Variants in ENDOV observed in about 807,000 individuals in gnomAD.
The protein encoded by ENDOV is endonuclease V, also known as hEndoV.
In ENDOV, 37 loss-of-function variants were observed where a neutral mutation model predicts 39.4. The observed-to-expected ratio is 0.94, with a 90% confidence interval of 0.72 to 1.23. The LOEUF is 1.23. ENDOV is among the 50% of genes most tolerant of loss of function. The probability of loss-of-function intolerance (pLI) is 0.00; values close to 1 mark genes in which losing one functional copy is unlikely to be tolerated. For missense variants in ENDOV, 441 were observed against 375.7 expected (o/e 1.17, Z -1.44); for synonymous variants, 186 against 163.4 (o/e 1.14, Z -1.05).
chr17:80,424,070 C>T (rs1463832422), intron 5 of ENDOV: 1 of 397,192 alleles, frequency 2.5e-6, no homozygotes, highest in Non-Finnish European at 4.4e-6. Context: ...GGAGCTGCCA[C>T]CCACACTCTT....
chr17:80,427,862 T>C (rs1312462678), intron 7 of ENDOV: 4 of 1,261,694 alleles, frequency 3.2e-6, no homozygotes, highest in African/African-American at 3.1e-5. Flanking sequence ...TGAGAGGTGC[T>C]GGCCCCGCCT....
At chr17:80,434,339 G>T (rs923556622) in intron 9 of ENDOV, among the ~76,000 whole-genome samples, 7 of 152,206 alleles carry the variant, frequency 4.6e-5, no homozygotes, top group Non-Finnish European at 1.0e-4. Context: ...TAAACATTTT[G>T]TTAATCCTGG....
intron 2 of ENDOV, among the ~76,000 whole-genome samples, chr17:80,416,696 C>G (rs1177379915): frequency 6.9e-6 from 1 of 144,072 alleles, no homozygotes; most frequent in Non-Finnish European, 1.5e-5. Flanking sequence ...AGTCCCCTCC[C>G]TCCCTCCCTC....
chr17:80,423,489 C>A, intron 4 of ENDOV, 31 bp from the exon 5 acceptor site: 700 of 1,138,794 alleles, frequency 6.1e-4, no homozygotes, highest in Non-Finnish European at 8.0e-4. Flanking sequence ...AGCCCCACCT[C>A]CCCAACCCCA....
At chr17:80,422,743 A>G (rs1202634061) in intron 4 of ENDOV, among the ~76,000 whole-genome samples, 4 of 151,354 alleles carry the variant, frequency 2.6e-5, no homozygotes, top group Non-Finnish European at 4.4e-5. Context: ...TCTGTCGCCC[A>G]GGCTGGAGTG....
intron 2 of ENDOV, chr17:80,419,698 G>C: frequency 1.4e-6 from 1 of 702,190 alleles, no homozygotes; most frequent in Non-Finnish European, 2.6e-6. Context: ...AAGAGGCTGC[G>C]ATGACGTCCA....
intron 4 of ENDOV, among the ~76,000 whole-genome samples, 195 bp from the exon 5 acceptor site, chr17:80,423,325 T>A (rs886590629): frequency 6.6e-6 from 1 of 152,244 alleles, no homozygotes; most frequent in Non-Finnish European, 1.5e-5. Flanking sequence ...CTCCACGGCC[T>A]TGCACCCAGG....
At chr17:80,427,986 C>T in intron 7 of ENDOV, 1 of 932,924 alleles carries the variant, frequency 1.1e-6, no homozygotes, top group Non-Finnish European at 1.4e-6. Flanking sequence ...GAGCTGGGAT[C>T]AGGGGGACTT....
chr17:80,416,575 G>A (rs1427940644), intron 2 of ENDOV, among the ~76,000 whole-genome samples: 1 of 152,144 alleles, frequency 6.6e-6, no homozygotes, highest in African/African-American at 2.4e-5. Flanking sequence ...GGGTTCCTGA[G>A]CAGCATTTTC....
In ENDOV at chr17:80,418,595, C is replaced by T. The variant is rs1371085772; in HGVS notation, c.228+2774C>T. 3.3e-5 allele frequency: 5 copies of T among 152,174 alleles called. 1 individual carries two copies. Among genetic ancestry groups the T allele is most frequent in the Non-Finnish European group, 7.3e-5 (5 of 68,046 alleles). 9.4% of individuals were successfully genotyped at this position (152,174 alleles called of 1,614,324 possible). On this transcript the variant is annotated intron_variant, in intron 2 of 9. Transcript: ENST00000518137. Reference sequence around the variant, plus strand: ...GGTCCACTGGTTCCTGAATGCCCGACCGTGGACCTGCAGGAGCAGAATCAC... The same window carrying T: ...GGTCCACTGGTTCCTGAATGCCCGATCGTGGACCTGCAGGAGCAGAATCAC...
At chr17:80,434,408 A>G (rs2083488613) in intron 9 of ENDOV, among the ~76,000 whole-genome samples, 1 of 152,176 alleles carries the variant, frequency 6.6e-6, no homozygotes, top group African/African-American at 2.4e-5. Context: ...ATGAAGACTG[A>G]TGTACACGCT....
rs41301920 is a variant in ENDOV at position 80,432,591 on chromosome 17, C to T, written c.838+2760C>T. ...GGTCCCGTGTCATTGCCCGTGAGTC[C>T]GGGGCTTAGGCACCGCTCTGGGGAC... On this transcript the variant is annotated intron_variant, in intron 9 of 9. Coordinates refer to ENST00000518137, the MANE Select transcript of ENDOV (RefSeq NM_173627.5). 5.7e-3 allele frequency among the ~76,000 whole-genome samples: 860 copies of T among 152,190 alleles called. 4 individuals carry two copies. The highest frequency in any genetic ancestry group is 0.02 in the African/African-American group (813 of 41,510).
At chr17:80,422,991 G>A (rs1352144499) in intron 4 of ENDOV, among the ~76,000 whole-genome samples, 1 of 152,090 alleles carries the variant, frequency 6.6e-6, no homozygotes, top group Non-Finnish European at 1.5e-5. Flanking sequence ...GAGCCACCGC[G>A]CCCGGCCTAG....
rs1436137799 is a variant in ENDOV at position 80,430,032 on chromosome 17, C to T, written c.838+201C>T. On this transcript the variant is annotated intron_variant, in intron 9 of 9. Transcript: ENST00000518137. Reference sequence around the variant, plus strand: ...CTAGGGACTTAGGGGAACCTCATCTCAGCCGCAGGTGGAGCACCCAGTCCC... The same window carrying T: ...CTAGGGACTTAGGGGAACCTCATCTTAGCCGCAGGTGGAGCACCCAGTCCC... 2.6e-6 allele frequency: 4 copies of T among 1,535,930 alleles called. No homozygotes were observed. The South Asian group carries it at 3.6e-5, about 14-fold the overall frequency.
At chr17:80,416,410 A>G (rs2081189889) in intron 2 of ENDOV, among the ~76,000 whole-genome samples, 3 of 152,038 alleles carry the variant, frequency 2.0e-5, no homozygotes, top group South Asian at 2.1e-4. Context: ...CAGTTGCCCA[A>G]GCTGGAGATC....
In ENDOV at chr17:80,415,214, G is replaced by C; in HGVS notation, c.20G>C (p.Gly7Ala). 1.2e-6 allele frequency: 2 copies of C among 1,613,370 alleles called. No homozygotes were observed. Among genetic ancestry groups the C allele is most frequent in the Non-Finnish European group, 1.7e-6 (2 of 1,179,718 alleles). Reference sequence around the variant, plus strand: ...GAAGCCATGGCCCTGGAGGCGGCGGGAGGGCCGCCGGAGGAAACGCTGTCA... The same window carrying C: ...GAAGCCATGGCCCTGGAGGCGGCGGCAGGGCCGCCGGAGGAAACGCTGTCA... MALEAA[G>A]GPPEETLSLW... The change falls in exon 1 of 10, where the codon GGA becomes GCA. Residue 7 changes from glycine to alanine, a missense_variant. Coordinates refer to ENST00000518137, the MANE Select transcript of ENDOV (RefSeq NM_173627.5).
Position 80,421,868 on chromosome 17 carries a change from C to G in ENDOV, c.269C>G (p.Pro90Arg), listed in dbSNP as rs1439536895. The G allele has an allele frequency of 3.1e-6, 5 of 1,605,316 alleles. No homozygotes were observed. Among genetic ancestry groups the G allele is most frequent in the African/African-American group, 2.7e-5 (2 of 74,760 alleles). Reference protein sequence around the residue: ...EESRMVSLTAPYVSGFLAFRE... With the variant: ...EESRMVSLTARYVSGFLAFRE... Reference sequence around the variant, plus strand: ...AGCCGCATGGTCAGCCTCACAGCCCCCTACGTGTCGGGCTTCCTGGCCTTC... The same window carrying G: ...AGCCGCATGGTCAGCCTCACAGCCCGCTACGTGTCGGGCTTCCTGGCCTTC... Residue 90 changes from proline to arginine, a missense_variant, in exon 3 of 10, where the codon CCC becomes CGC. Pro to Arg is a moderately radical substitution (Grantham distance 103). Transcript: ENST00000518137.
At chr17:80,431,919 G>A (rs1286612159) in intron 9 of ENDOV, among the ~76,000 whole-genome samples, 2 of 152,220 alleles carry the variant, frequency 1.3e-5, no homozygotes, top group Non-Finnish European at 2.9e-5. Flanking sequence ...GGGTGGGAGA[G>A]GGGTGGAGTT....
intron 7 of ENDOV, chr17:80,427,655 C>T (rs2082879034): frequency 1.6e-6 from 2 of 1,219,024 alleles, no homozygotes; most frequent in Non-Finnish European, 2.1e-6. Context: ...TGAGCTCACT[C>T]ACCTCTCAAC....
Sources: gnomAD v4.1 joint callset for allele counts (sites outside exome capture counted in the v4.1 genomes callset) on GRCh38, gnomAD v4.1.1 for gene constraint, MANE v1.5 for transcripts, NCBI Gene and HGNC (gene_info 2026-07-23, HGNC 2026-07-21) for gene names.